Variants in CEP162 observed in about 807,000 individuals in gnomAD.
The protein encoded by CEP162 is centrosomal protein 162.
Under a neutral mutation model 169.2 loss-of-function variants are expected in CEP162, and 141 were observed. That is an observed-to-expected ratio of 0.83 (90% CI 0.73 to 0.96). The LOEUF is 0.96. Ranked by LOEUF, CEP162 falls within the 40% of genes least tolerant of loss-of-function variation. The probability of loss-of-function intolerance (pLI) is 0.00; values close to 1 mark genes in which losing one functional copy is unlikely to be tolerated. For missense variants in CEP162, 1,600 were observed against 1,587.2 expected, an observed-to-expected ratio of 1.01 and a Z score of -0.14; for synonymous variants, 540 against 526.4, an observed-to-expected ratio of 1.03 and a Z score of -0.35.
chr6:84,213,005 G>A lies in CEP162; in HGVS notation c.523C>T (p.Leu175=). The part of the protein sequence containing the change: ...ALHSNQANAE[L]TDDEHENESK... ...TCATTCTCATGTTCGTCATCAGTTA[G>A]TTCTGCGTTGGCTTGATTACTGGAA... The change falls in exon 6 of 27, where the codon CTA becomes TTA. Residue 175 remains leucine (L), a synonymous_variant. Transcript: ENST00000403245. 1 of 1,550,572 alleles carries A rather than the reference G, an allele frequency of 6.4e-7. No individual in the cohort carries two copies. The highest frequency in any genetic ancestry group is 1.9e-5 in the Admixed American group (1 of 53,120).
At chr6:84,206,975 C>T (rs925190706) in intron 6 of CEP162, among the ~76,000 whole-genome samples, 1 of 152,196 alleles carries the variant, frequency 6.6e-6, no homozygotes, top group Admixed American at 6.5e-5. Flanking sequence ...AAAAAATGCT[C>T]ATCATCACTG....
At chr6:84,126,203 G>GATTT (rs2099508869) in intron 26 of CEP162, among the ~76,000 whole-genome samples, 175 bp downstream of exon 26, 1 of 151,914 alleles carries the variant, frequency 6.6e-6, no homozygotes. Context: ...AAGCACTTGA[G>GATTT]ATATAAAGTC....
At chr6:84,165,764 T>A (rs1352612727) in intron 18 of CEP162, among the ~76,000 whole-genome samples, 1 of 152,170 alleles carries the variant, frequency 6.6e-6, no homozygotes, top group Non-Finnish European at 1.5e-5. Flanking sequence ...TATACTGTCT[T>A]ACAATTTAAA....
At chr6:84,187,730 A>G (rs1298301176) in intron 11 of CEP162, among the ~76,000 whole-genome samples, 2 of 152,234 alleles carry the variant, frequency 1.3e-5, no homozygotes, top group East Asian at 3.8e-4. Context: ...GTGGCAAAAC[A>G]TTGCTAAACT....
rs1446112177 is a variant in CEP162 at position 84,185,422 on chromosome 6, T to C, written c.1428A>G (p.Glu476=). Residue 476 remains glutamate, a synonymous_variant, in exon 13 of 27, where the codon GAA becomes GAG. Transcript: ENST00000403245. The part of the protein sequence containing the change: ...NKTYRSQLSS[E]EEGAVMGKQV... The stretch of plus-strand genomic sequence containing the variant: ...GTTTACCCATTACAGCCCCTTCTTC[T>C]TCAGAACTAAGTTGAGATCTGTAAG... The C allele has an allele frequency of 6.2e-7, 1 of 1,613,444 alleles. No individual in the cohort carries two copies. The highest frequency in any genetic ancestry group is 8.5e-7 in the Non-Finnish European group (1 of 1,179,468).
At chr6:84,200,144 T>C (rs543802933) in intron 9 of CEP162, among the ~76,000 whole-genome samples, 257 of 152,200 alleles carry the variant, frequency 1.7e-3, no homozygotes, top group Non-Finnish European at 3.0e-3. Flanking sequence ...TCCCAGCTAC[T>C]TGGGAGGCTG....
intron 13 of CEP162, among the ~76,000 whole-genome samples, chr6:84,176,201 A>G (rs1471632255): frequency 6.6e-6 from 1 of 152,140 alleles, no homozygotes; most frequent in Admixed American, 6.5e-5. Flanking sequence ...TGTAGAGTTT[A>G]CTTTTTAATT....
chr6:84,179,902 T>C (rs1171422970), intron 13 of CEP162, among the ~76,000 whole-genome samples: 1 of 152,108 alleles, frequency 6.6e-6, no homozygotes, highest in African/African-American at 2.4e-5. Context: ...CACAGCCAAA[T>C]TCTACCAGAG....
chr6:84,171,429 G>A (rs6910156), intron 17 of CEP162, among the ~76,000 whole-genome samples, 177 bp downstream of exon 17: 37,444 of 151,892 alleles, frequency 0.25, 10,636 homozygotes, highest in African/African-American at 0.7. Context: ...AGTATGTGCT[G>A]GCCATCTAAC....
intron 13 of CEP162, among the ~76,000 whole-genome samples, chr6:84,176,781 T>C (rs1659475156): frequency 6.6e-6 from 1 of 152,164 alleles, no homozygotes; most frequent in Non-Finnish European, 1.5e-5. Context: ...CTATCACATG[T>C]TCTTGTTCAT....
chr6:84,160,236 T>G (rs1046720590), intron 21 of CEP162, among the ~76,000 whole-genome samples: 1 of 152,188 alleles, frequency 6.6e-6, no homozygotes, highest in Non-Finnish European at 1.5e-5. Context: ...AATAACAATC[T>G]TGCTTCCTAA....
chr6:84,190,903 G>A (rs948939663), intron 11 of CEP162, among the ~76,000 whole-genome samples: 4 of 152,144 alleles, frequency 2.6e-5, no homozygotes, highest in Non-Finnish European at 4.4e-5. Context: ...GGATGGTCTC[G>A]ATCTCTTGAC....
chr6:84,161,880 C>T lies in CEP162; in HGVS notation c.2542G>A (p.Glu848Lys), dbSNP rs1445648821. 1 of 1,558,420 alleles carries T rather than the reference C, an allele frequency of 6.4e-7. No individual in the cohort carries two copies. Among genetic ancestry groups the T allele is most frequent in the South Asian group, 1.2e-5 (1 of 84,434 alleles). The stretch of plus-strand genomic sequence containing the variant: ...CTGATTTCTTGTTTATGTGTTTCTT[C>T]TAAAATTTTTATTTCATATAATTTC... Reference protein sequence around the residue: ...GEKLYEIKILEETHKQEISRL... With the variant: ...GEKLYEIKILKETHKQEISRL... Residue 848 changes from glutamate to lysine, a missense_variant, in exon 20 of 27, where the codon GAA (glutamate) becomes AAA (lysine). By Grantham distance (56) the Glu-to-Lys change is moderately conservative. Coordinates refer to ENST00000403245, the MANE Select transcript of CEP162 (RefSeq NM_014895.4).
chr6:84,195,709 T>C (rs895598689), intron 9 of CEP162, among the ~76,000 whole-genome samples: 6 of 152,232 alleles, frequency 3.9e-5, no homozygotes, highest in African/African-American at 1.4e-4. Flanking sequence ...GTTATTACCA[T>C]AATTTTGAGG....
At chr6:84,186,156 T>C (rs1013213777) in intron 12 of CEP162, among the ~76,000 whole-genome samples, 176 bp downstream of exon 12, 2 of 152,106 alleles carry the variant, frequency 1.3e-5, no homozygotes, top group African/African-American at 2.4e-5. Context: ...TTTTTGAATT[T>C]GGGGATTGGC....
intron 25 of CEP162, among the ~76,000 whole-genome samples, chr6:84,139,250 A>G (rs998177060): frequency 1.3e-5 from 2 of 152,212 alleles, no homozygotes; most frequent in African/African-American, 4.8e-5. Flanking sequence ...GTTTCCTACC[A>G]TATATTTACA....
chr6:84,197,825 CAAAAAA>C (rs564556727), intron 9 of CEP162, among the ~76,000 whole-genome samples: 9 of 64,186 alleles, frequency 1.4e-4, no homozygotes, highest in Admixed American at 9.9e-4. Flanking sequence ...TCAAACAAAA[CAAAAAA>C]AAAAAAAAAA....
chr6:84,202,944 G>A (rs1275974944), intron 7 of CEP162, among the ~76,000 whole-genome samples: 4 of 152,048 alleles, frequency 2.6e-5, no homozygotes. Flanking sequence ...AAGATTTATA[G>A]ACACCTGAAA....
In CEP162 at chr6:84,161,861, T is replaced by C; in HGVS notation, c.2561A>G (p.Glu854Gly). The C allele has an allele frequency of 6.3e-7, 1 of 1,579,192 alleles. No individual in the cohort carries two copies. The highest frequency in any genetic ancestry group is 8.6e-7 in the Non-Finnish European group (1 of 1,156,900). Residue 854 changes from glutamate (E) to glycine (G), a missense_variant, in exon 20 of 27, where the codon GAA becomes GGA. By Grantham distance (98) the Glu-to-Gly change is moderately conservative (BLOSUM62 -2). Coordinates refer to ENST00000403245, the MANE Select transcript of CEP162 (RefSeq NM_014895.4). ...IKILEETHKQ[E>G]ISRLQKRLQW... is the part of the protein sequence containing the mutation. ...TAATCTTTTTTGCAGACGACTGATTTCTTGTTTATGTGTTTCTTCTAAAAT... is the reference window on the plus strand; with the variant it reads ...TAATCTTTTTTGCAGACGACTGATTCCTTGTTTATGTGTTTCTTCTAAAAT...
Sources: allele counts gnomAD v4.1 joint callset (sites outside exome capture counted in the v4.1 genomes callset), GRCh38; gene constraint gnomAD v4.1.1; transcripts MANE v1.5; gene names NCBI Gene and HGNC (gene_info 2026-07-23, HGNC 2026-07-21).